The following TANC2 variants were observed in gnomAD, a reference collection of about 807,000 sequenced individuals.
The protein encoded by TANC2 is tetratricopeptide repeat, ankyrin repeat and coiled-coil containing 2, also known as protein TANC2.
In TANC2, 26 loss-of-function variants were observed where a neutral mutation model predicts 210.5. The ratio of observed to expected loss-of-function variants is 0.12; its 90% CI spans 0.09 to 0.17. TANC2 has a LOEUF of 0.17. Ranked by LOEUF, TANC2 falls within the 10% of genes least tolerant of loss-of-function variation. The probability of loss-of-function intolerance (pLI) is 1.00; values close to 1 mark genes in which losing one functional copy is unlikely to be tolerated. For synonymous variants in TANC2, 931 were observed against 967.1 expected (o/e 0.96, Z 0.69); for missense variants, 2,129 against 2,608.9 (o/e 0.82, Z 4.01).
intron 5 of TANC2, among the ~76,000 whole-genome samples, chr17:63,169,929 A>G (rs1247676740): frequency 2.0e-5 from 3 of 147,260 alleles, no homozygotes; most frequent in African/African-American, 7.6e-5. Context: ...CAGGAGATCA[A>G]GACCACAGTG....
intron 1 of TANC2, among the ~76,000 whole-genome samples, chr17:62,998,594 A>G (rs1235886325): frequency 1.3e-5 from 2 of 152,254 alleles, no homozygotes; most frequent in African/African-American, 4.8e-5. Flanking sequence ...TTGAGGGCCT[A>G]TATTCAGCAT....
intron 9 of TANC2, among the ~76,000 whole-genome samples, chr17:63,302,230 G>A (rs2044742639): frequency 6.6e-6 from 1 of 152,188 alleles, no homozygotes; most frequent in Non-Finnish European, 1.5e-5. Flanking sequence ...GTGCCATGTG[G>A]CACTGAGAAG....
At position 63,099,377 on chromosome 17, in the gene TANC2, T is replaced by G. The variant is rs1456564455; in HGVS notation, c.322+20T>G. On this transcript the variant is annotated intron_variant, in intron 4 of 27. Transcript: ENST00000689528. The stretch of plus-strand genomic sequence containing the variant: ...TAACTGGTAAGGACTTTACCTAAAT[T>G]TAGTATGTTTAACAGGAAACCTAAC... The G allele has an allele frequency of 7.3e-5, 107 of 1,465,396 alleles. No homozygotes were observed. The East Asian group carries it at 2.7e-3, about 37-fold the overall frequency. 90.8% of individuals were successfully genotyped at this position (1,465,396 alleles called of 1,614,324 possible).
At chr17:63,144,774 T>A (rs1254242103) in intron 4 of TANC2, among the ~76,000 whole-genome samples, 1 of 152,170 alleles carries the variant, frequency 6.6e-6, no homozygotes, top group African/African-American at 2.4e-5. Flanking sequence ...ATAGTTTTAT[T>A]TGCATTATGA....
At chr17:63,186,350 C>CTTTTTTT (rs11314991) in intron 5 of TANC2, among the ~76,000 whole-genome samples, 1 of 114,386 alleles carries the variant, frequency 8.7e-6, no homozygotes, top group Non-Finnish European at 1.7e-5. Context: ...CTCTCTCTCT[C>CTTTTTTT]TTTTTTTTTT....
At chr17:63,237,410 C>G (rs1175715867) in intron 7 of TANC2, among the ~76,000 whole-genome samples, 1 of 152,110 alleles carries the variant, frequency 6.6e-6, no homozygotes, top group African/African-American at 2.4e-5. Flanking sequence ...TTCTCCCATT[C>G]TGCAGGTTCT....
At chr17:63,229,768 G>GTTTTTT (rs1247423166) in intron 7 of TANC2, among the ~76,000 whole-genome samples, 6 of 135,352 alleles carry the variant, frequency 4.4e-5, no homozygotes, top group African/African-American at 1.4e-4. Context: ...ATGATTGTTT[G>GTTTTTT]TATTTTTTTT....
At chr17:63,034,683 T>C (rs2034903074) in intron 2 of TANC2, among the ~76,000 whole-genome samples, 1 of 152,140 alleles carries the variant, frequency 6.6e-6, no homozygotes. Flanking sequence ...TTGGAAGAAG[T>C]TGATTCCAAC....
intron 4 of TANC2, among the ~76,000 whole-genome samples, chr17:63,128,086 T>C (rs986105406): frequency 6.6e-6 from 1 of 152,154 alleles, no homozygotes; most frequent in African/African-American, 2.4e-5. Context: ...TAGATACAAA[T>C]ACAGAAAGAA....
intron 3 of TANC2, among the ~76,000 whole-genome samples, chr17:63,086,132 G>GT (rs1487340607): frequency 6.6e-6 from 1 of 151,688 alleles, no homozygotes; most frequent in Non-Finnish European, 1.5e-5. Flanking sequence ...TGTAGGTAAG[G>GT]TTTTTTTCCC....
At chr17:63,178,340 AAC>A (rs1182026080) in intron 5 of TANC2, among the ~76,000 whole-genome samples, 8 of 152,054 alleles carry the variant, frequency 5.3e-5, no homozygotes, top group Admixed American at 5.2e-4. Context: ...CTCAAAAAAA[AAC>A]ACAAAAAACT....
At chr17:63,198,145 T>C (rs2041407012) in intron 6 of TANC2, among the ~76,000 whole-genome samples, 1 of 152,148 alleles carries the variant, frequency 6.6e-6, no homozygotes, top group Non-Finnish European at 1.5e-5. Flanking sequence ...AGAACAGAAA[T>C]GAGTTGTTAT....
intron 5 of TANC2, among the ~76,000 whole-genome samples, chr17:63,186,773 C>T (rs549912441): frequency 2.0e-5 from 3 of 152,284 alleles, no homozygotes; most frequent in Non-Finnish European, 4.4e-5. Context: ...TAGCCTAATG[C>T]GTAAACACAC....
At chr17:63,252,894 CT>C (rs1567855219) in intron 8 of TANC2, among the ~76,000 whole-genome samples, 56 of 152,234 alleles carry the variant, frequency 3.7e-4, no homozygotes, top group Admixed American at 6.5e-4. Flanking sequence ...TTGATGGACA[CT>C]TAGGTTTCTT....
intron 12 of TANC2, among the ~76,000 whole-genome samples, 161 bp downstream of exon 12, chr17:63,340,493 C>CA (rs370984606): frequency 0.045 from 6,555 of 146,656 alleles, 185 homozygotes; most frequent in African/African-American, 0.076. Flanking sequence ...ATTTTACTTG[C>CA]AAAAAAAAAA....
intron 2 of TANC2, among the ~76,000 whole-genome samples, chr17:63,054,233 C>G (rs942867890): frequency 6.6e-6 from 1 of 152,128 alleles, no homozygotes; most frequent in Admixed American, 6.5e-5. Flanking sequence ...ATGCCTAAAC[C>G]AAGTCTAGCT....
At chr17:63,018,943 C>T (rs2034232148) in intron 2 of TANC2, among the ~76,000 whole-genome samples, 2 of 152,146 alleles carry the variant, frequency 1.3e-5, no homozygotes, top group East Asian at 1.9e-4. Flanking sequence ...TAACCATTCA[C>T]CCTTTGAAGG....
intron 15 of TANC2, among the ~76,000 whole-genome samples, chr17:63,382,840 A>G (rs765228009): frequency 1.3e-5 from 2 of 152,164 alleles, no homozygotes; most frequent in Non-Finnish European, 2.9e-5. Flanking sequence ...GGGTTTTTTA[A>G]TGCTATAAGA....
chr17:63,054,636 C>T (rs1468619850), intron 2 of TANC2, among the ~76,000 whole-genome samples: 2 of 152,014 alleles, frequency 1.3e-5, no homozygotes, highest in Admixed American at 6.5e-5. Context: ...CAGCCTTGGC[C>T]TCCCAAAGTG....
Sources: gnomAD v4.1 joint callset for allele counts (sites outside exome capture counted in the v4.1 genomes callset) on GRCh38, gnomAD v4.1.1 for gene constraint, MANE v1.5 for transcripts, NCBI Gene and HGNC (gene_info 2026-07-23, HGNC 2026-07-21) for gene names.